The following ZIM2 variants were observed in gnomAD, a reference collection of about 807,000 sequenced individuals.
ZIM2 encodes zinc finger imprinted 2.
ZIM2 carries 14 observed loss-of-function variants against 38.6 expected under a neutral mutation model. The ratio of observed to expected loss-of-function variants is 0.36; its 90% CI spans 0.24 to 0.57. The LOEUF is 0.57. Among genes scored for constraint, ZIM2 ranks in the 20% least tolerant of loss-of-function variants. ZIM2 has a pLI of 0.81. For missense variants in ZIM2, 680 were observed against 695.1 expected, an observed-to-expected ratio of 0.98 and a Z score of 0.24; for synonymous variants, 247 against 245.8, an observed-to-expected ratio of 1.00 and a Z score of -0.04.
chr19:56,783,836 G>GA lies in ZIM2; in HGVS notation c.571-1716dup, dbSNP rs201396603. Among the ~76,000 whole-genome samples, 146 of 149,782 alleles carry GA rather than the reference G, an allele frequency of 9.7e-4. 1 individual carries two copies. The highest frequency in any genetic ancestry group is 2.8e-3 in the African/African-American group (115 of 40,832). ...TGTGCCCTGATTCTAAAATAAAAGT[G>GA]AAAAAAAAAGATAGACTGACCTCTT... On this transcript the variant is annotated intron_variant, in intron 10 of 12. Transcript: ENST00000629319.
intron 11 of ZIM2, 149 bp from the exon 12 acceptor site, chr19:56,779,621 C>A: frequency 1.5e-6 from 1 of 681,896 alleles, no homozygotes; most frequent in East Asian, 2.8e-5. Context: ...CCCTAAGGGA[C>A]ATCTAAAATG....
chr19:56,836,838 C>T (rs1447168667), intron 1 of ZIM2, among the ~76,000 whole-genome samples: 4 of 151,946 alleles, frequency 2.6e-5, no homozygotes, highest in African/African-American at 4.8e-5. Flanking sequence ...CATGGTGGCG[C>T]GCGCCTGTAT....
intron 12 of ZIM2, among the ~76,000 whole-genome samples, chr19:56,776,655 T>G (rs1424081032): frequency 1.3e-5 from 2 of 152,190 alleles, no homozygotes; most frequent in Non-Finnish European, 2.9e-5. Context: ...TAATTCAATA[T>G]TTATTAAATG....
rs528170461 is a variant in ZIM2, at chr19:56,775,487, T to C, written c.878A>G (p.Gln293Arg). 3 of 1,613,748 alleles carry C rather than the reference T, an allele frequency of 1.9e-6. No individual in the cohort carries two copies. Among genetic ancestry groups the C allele is most frequent in the Middle Eastern group, 1.7e-4 (1 of 6,060 alleles). ...TGTTATAGGAGTCAAAAGTTTCTCT[T>C]GGTTGCCCTGGTGTGGTTCCAATGG... ...DDPLEPHQGNQEKLLTPITMN... is the reference protein window; with the variant it reads ...DDPLEPHQGNREKLLTPITMN... The change falls in exon 13 of 13, where the codon CAA becomes CGA. Residue 293 changes from glutamine to arginine, a missense_variant. Coordinates refer to ENST00000629319, the MANE Select transcript of ZIM2 (RefSeq NM_001387356.1).
At chr19:56,817,146 G>A (rs758530271) in intron 9 of ZIM2, 22 of 1,614,056 alleles carry the variant, frequency 1.4e-5, no homozygotes, top group Non-Finnish European at 1.7e-5. Context: ...AGCTGAGGCT[G>A]CTCAGGCTGC....
At chr19:56,815,140 T>C in intron 9 of ZIM2, 2 of 1,613,906 alleles carry the variant, frequency 1.2e-6, no homozygotes, top group Non-Finnish European at 8.5e-7. Flanking sequence ...GTCATCAGGG[T>C]CATCCTTCTG....
chr19:56,813,476 C>A (rs2059682696), intron 9 of ZIM2: 2 of 1,396,788 alleles, frequency 1.4e-6, no homozygotes, highest in Non-Finnish European at 1.9e-6. Context: ...CAGACACTGA[C>A]ATCTGAAGGG....
intron 10 of ZIM2, among the ~76,000 whole-genome samples, chr19:56,787,710 GT>G (rs56289231): frequency 0.73 from 76,914 of 105,734 alleles, 27,180 homozygotes; most frequent in Admixed American, 0.78. Flanking sequence ...CTGGTCCTGG[GT>G]TTTTTTTTTT....
intron 2 of ZIM2, among the ~76,000 whole-genome samples, chr19:56,835,500 A>G (rs1270081580): frequency 6.6e-6 from 1 of 152,132 alleles, no homozygotes; most frequent in Non-Finnish European, 1.5e-5. Flanking sequence ...CTCAGCTTTA[A>G]TGTTCTTTAC....
intron 2 of ZIM2, chr19:56,833,052 T>A (rs1404975370): frequency 4.7e-6 from 2 of 427,380 alleles, no homozygotes; most frequent in African/African-American, 4.1e-5. Context: ...AGAGAAATGA[T>A]GGGTCAGTGT....
intron 9 of ZIM2, among the ~76,000 whole-genome samples, chr19:56,808,764 A>AC (rs71184390): frequency 0.79 from 119,824 of 152,040 alleles, 47,328 homozygotes; most frequent in South Asian, 0.85. Flanking sequence ...TGTAAAAGAA[A>AC]CCAAGGGCAG....
rs1349827702 is a variant in ZIM2 at position 56,818,706 on chromosome 19, A to G, written c.295-4T>C. 6.2e-7 allele frequency: 1 copy of G among 1,614,104 alleles called. No homozygotes were observed. Among genetic ancestry groups the G allele is most frequent in the Non-Finnish European group, 8.5e-7 (1 of 1,179,994 alleles). On this transcript the variant is annotated splice_polypyrimidine_tract_variant and splice_region_variant and intron_variant, in intron 7 of 12. Transcript: ENST00000629319. ...CATTTTGGTATGATTCAGCATCCTAAAACAGCAAACACAGACCTCTCAATG... is the reference window on the plus strand; with the variant it reads ...CATTTTGGTATGATTCAGCATCCTAGAACAGCAAACACAGACCTCTCAATG...
Position 56,813,870 on chromosome 19 carries a change from C to G in ZIM2, c.490+3876G>C, listed in dbSNP as rs561217964. 1.9e-6 allele frequency: 3 copies of G among 1,614,218 alleles called. No homozygotes were observed. The African/African-American group carries it at 4.0e-5, about 22-fold the overall frequency. ...ATATGATCATGCTGGCATGAGTTTT[C>G]AGGTGTTCACTGAATGCTGTGCTGG... is the stretch of plus-strand genomic sequence containing the variant. On this transcript the variant is annotated intron_variant, in intron 9 of 12. Transcript: ENST00000629319.
rs1219691291 is a variant in ZIM2 at position 56,781,987 on chromosome 19, C to T, written c.705G>A (p.Val235=). Residue 235 remains valine, a synonymous_variant, in exon 11 of 13, where the codon GTG becomes GTA. Coordinates refer to ENST00000629319, the MANE Select transcript of ZIM2 (RefSeq NM_001387356.1). ...CCAGGTTCCGGTAATTCTCCAGCAT[C>T]ACCTCCCTGTAGAGGTTTCTCTGAG... ...SAAQRNLYRE[V]MLENYRNLVS... is the part of the protein sequence containing the mutation. 6 of 1,613,732 alleles carry T rather than the reference C, an allele frequency of 3.7e-6. No homozygotes were observed. The African/African-American group carries it at 6.7e-5, about 18-fold the overall frequency.
At chr19:56,792,554 A>T (rs1379676324) in intron 9 of ZIM2, among the ~76,000 whole-genome samples, 2 of 150,972 alleles carry the variant, frequency 1.3e-5, no homozygotes, top group African/African-American at 2.4e-5. Flanking sequence ...AAAAAAAAAA[A>T]AAAGAGAAAA....
chr19:56,778,542 C>A (rs1228762789), intron 12 of ZIM2, among the ~76,000 whole-genome samples: 1 of 152,168 alleles, frequency 6.6e-6, no homozygotes, highest in Non-Finnish European at 1.5e-5. Flanking sequence ...CTTGGACACA[C>A]CAGCTCTTTC....
At position 56,775,305 on chromosome 19, in the gene ZIM2, G is replaced by C; in HGVS notation, c.1060C>G (p.Gln354Glu). The C allele has an allele frequency of 1.2e-6, 2 of 1,614,164 alleles. No individual in the cohort carries two copies. The highest frequency in any genetic ancestry group is 1.7e-6 in the Non-Finnish European group (2 of 1,180,030). Residue 354 changes from glutamine (Q) to glutamate (E), a missense_variant, in exon 13 of 13, where the codon CAA (glutamine) becomes GAA (glutamate). Physicochemically the swap from Gln to Glu is conservative, Grantham distance 29. Coordinates refer to ENST00000629319, the MANE Select transcript of ZIM2 (RefSeq NM_001387356.1). ...GICTSPQSAS[Q>E]ENKHNRCEFC... ...TCACATCTGTTGTGTTTGTTCTCTTGGGATGCTGACTGGGGACTCGTACAT... is the reference window on the plus strand; with the variant it reads ...TCACATCTGTTGTGTTTGTTCTCTTCGGATGCTGACTGGGGACTCGTACAT...
chr19:56,785,428 C>G (rs754486681), intron 10 of ZIM2, among the ~76,000 whole-genome samples: 2 of 151,810 alleles, frequency 1.3e-5, no homozygotes, highest in Non-Finnish European at 2.9e-5. Flanking sequence ...TAATCACAAC[C>G]CCCATGAATT....
At chr19:56,834,710 G>C (rs944503345) in intron 2 of ZIM2, among the ~76,000 whole-genome samples, 1 of 152,154 alleles carries the variant, frequency 6.6e-6, no homozygotes, top group Non-Finnish European at 1.5e-5. Flanking sequence ...TGAGCACTGA[G>C]GCCAGGAATA....
Sources: gnomAD v4.1 joint callset for allele counts (sites outside exome capture counted in the v4.1 genomes callset) on GRCh38, gnomAD v4.1.1 for gene constraint, MANE v1.5 for transcripts, NCBI Gene and HGNC (gene_info 2026-07-23, HGNC 2026-07-21) for gene names.